The following GNA15 variants were observed in gnomAD, a reference collection of about 807,000 sequenced individuals.
GNA15 encodes the protein guanine nucleotide-binding protein subunit alpha-15.
GNA15 carries 23 observed loss-of-function variants against 40.1 expected under a neutral mutation model. The observed-to-expected ratio is 0.57, with a 90% CI of 0.41 to 0.81. The LOEUF (loss-of-function observed/expected upper bound fraction) is 0.81, where lower values mean the gene tolerates loss of function less well. Among genes scored for constraint, GNA15 ranks in the 40% least tolerant of loss-of-function variants. The pLI, the probability that GNA15 is intolerant of heterozygous loss-of-function variation, is 0.00. For synonymous variants in GNA15, 226 were observed against 210.4 expected, an observed-to-expected ratio of 1.07 and a Z score of -0.64; for missense variants, 522 against 515.8, an observed-to-expected ratio of 1.01 and a Z score of -0.12.
intron 1 of GNA15, among the ~76,000 whole-genome samples, chr19:3,139,140 T>G (rs1599317799): frequency 1.3e-5 from 2 of 151,116 alleles, no homozygotes; most frequent in East Asian, 3.9e-4. Flanking sequence ...GAGATGGGGT[T>G]TCACCATGTT....
At chr19:3,141,694 G>C (rs1914580546) in intron 1 of GNA15, 1 of 152,332 alleles carries the variant, frequency 6.6e-6, no homozygotes, top group African/African-American at 2.4e-5. Flanking sequence ...ATTGTGCCCG[G>C]CCTGTTCTTA....
rs781127081 is a variant in GNA15, at chr19:3,136,802, C to T, written c.145+207C>T. ...GAAGCCAAGTTCCTTGTCCAACGTG[C>T]GACCAGCGGCCAGGTGCCCAGGCCT... On this transcript the variant is annotated intron_variant, in intron 1 of 6. Transcript: ENST00000262958. The surrounding 1 kb of genome is among the most constrained non-coding windows in gnomAD (Gnocchi z 4.9). Among the ~76,000 whole-genome samples, 25 of 152,370 alleles carry T rather than the reference C, an allele frequency of 1.6e-4. No individual in the cohort carries two copies. The highest frequency in any genetic ancestry group is 3.4e-4 in the African/African-American group (14 of 41,592).
intron 1 of GNA15, chr19:3,146,538 T>G (rs942042393): frequency 6.6e-6 from 1 of 151,898 alleles, no homozygotes; most frequent in Non-Finnish European, 1.5e-5. Context: ...CCCCAGAAAA[T>G]CTGTGGCTGG....
intron 5 of GNA15, among the ~76,000 whole-genome samples, chr19:3,156,477 CGCACACACAG>C (rs1251990741): frequency 2.7e-4 from 41 of 150,884 alleles, no homozygotes; most frequent in Non-Finnish European, 3.0e-4. Flanking sequence ...GGCACACACA[CGCACACACAG>C]GCACACAGGC....
rs1914997548 is a variant in GNA15, at chr19:3,155,766, G to A, written c.615-57G>A. 5.7e-6 allele frequency: 9 copies of A among 1,586,250 alleles called. No individual in the cohort carries two copies. Among genetic ancestry groups the A allele is most frequent in the Admixed American group, 1.7e-5 (1 of 58,418 alleles). On this transcript the variant is annotated intron_variant, in intron 4 of 6. Transcript: ENST00000262958. The surrounding 1 kb of genome is among the most constrained non-coding windows in gnomAD (Gnocchi z 5.6). ...CATATCCCAGACGTGATGGGGGTTG[G>A]GGGTGTCACGGAGCAGGCTCCTGAG...
At chr19:3,149,000 C>T in intron 2 of GNA15, 2 of 553,824 alleles carry the variant, frequency 3.6e-6, no homozygotes, top group Admixed American at 6.4e-5. Context: ...CACACACGCA[C>T]ATGTATGCAC....
chr19:3,136,133 C>T lies in GNA15; in HGVS notation c.-318C>T. 3 of 228,460 alleles carry T rather than the reference C, an allele frequency of 1.3e-5. No homozygotes were observed. In the South Asian group the frequency reaches 2.1e-4, roughly 16 times the overall value. The allele number at this position is 228,460 out of a possible 1,614,324, so 14.2% of individuals were successfully genotyped here. A position where few individuals can be genotyped will look rare whatever the true frequency, so the allele number is the denominator to read the frequency against. ...CTCCCTGGGGCCCCCACCTCACCCT[C>T]TCCTGGCACCCTTCACCGTCAACCT... On this transcript the variant is annotated 5_prime_UTR_variant, in exon 1 of 7. Transcript: ENST00000262958. This position sits in a 1 kb window ranked among gnomAD's most constrained non-coding sequence, Gnocchi z 4.9.
intron 1 of GNA15, among the ~76,000 whole-genome samples, chr19:3,137,168 A>C (rs1259164531): frequency 6.6e-6 from 1 of 152,248 alleles, no homozygotes; most frequent in Admixed American, 6.5e-5. Flanking sequence ...GCAGCCAAAC[A>C]GGGGAAGATA....
At chr19:3,152,310 G>T (rs996623905) in intron 4 of GNA15, among the ~76,000 whole-genome samples, 4 of 152,160 alleles carry the variant, frequency 2.6e-5, no homozygotes, top group African/African-American at 9.7e-5. Context: ...CGGGCGTGGG[G>T]ATGGAAAGGA....
At chr19:3,143,034 G>A (rs1363362423) in intron 1 of GNA15, 5 of 152,044 alleles carry the variant, frequency 3.3e-5, no homozygotes, top group Admixed American at 1.3e-4. Flanking sequence ...TAAAAACATT[G>A]CTTTAACAGA....
rs1191752115 is a variant in GNA15 at position 3,145,336 on chromosome 19, AAT to A, written c.146-3232_146-3231del. On this transcript the variant is annotated intron_variant, in intron 1 of 6. Transcript: ENST00000262958. ...CAGTGTGCACCACTACGTCTGACTA[AAT>A]ATATATATATATATATATATATTTT... Among the ~76,000 whole-genome samples the A allele has an allele frequency of 5.8e-4, 35 of 60,208 alleles. 1 individual carries two copies. Among genetic ancestry groups the A allele is most frequent in the African/African-American group, 1.8e-3 (22 of 12,570 alleles). The allele number at this position is 60,208 out of a possible 152,430, so 39.5% of individuals were successfully genotyped here. A position where few individuals can be genotyped will look rare whatever the true frequency, so the allele number is the denominator to read the frequency against.
rs183621546 is a variant in GNA15 at position 3,136,871 on chromosome 19, G to A, written c.145+276G>A. On this transcript the variant is annotated intron_variant, in intron 1 of 6. Transcript: ENST00000262958. This position sits in a 1 kb window ranked among gnomAD's most constrained non-coding sequence, Gnocchi z 4.9. ...ATACAATAGCAGACGTGGCTCTACC[G>A]GGCCCCTGCCGGGCAGGCCCAGCAC... Among the ~76,000 whole-genome samples, 118 of 152,370 alleles carry A rather than the reference G, an allele frequency of 7.7e-4. No individual in the cohort carries two copies. The highest frequency in any genetic ancestry group is 2.5e-3 in the African/African-American group (105 of 41,594).
chr19:3,140,362 C>T (rs983772367), intron 1 of GNA15, among the ~76,000 whole-genome samples: 3 of 152,156 alleles, frequency 2.0e-5, no homozygotes, highest in African/African-American at 2.4e-5. Flanking sequence ...TGCCTTTGCT[C>T]ATTTTTTTCT....
chr19:3,148,757 CAGCAGGCCCGAG>C lies in GNA15; in HGVS notation c.317_328del (p.Arg106_Ser109del). 1 of 1,600,098 alleles carries C rather than the reference CAGCAGGCCCGAG, an allele frequency of 6.2e-7. No individual in the cohort carries two copies. The highest frequency in any genetic ancestry group is 8.5e-7 in the Non-Finnish European group (1 of 1,173,866). On this transcript the variant is annotated inframe_deletion, in exon 2 of 7. Transcript: ENST00000262958. Reference sequence around the variant, plus strand: ...CCATGGAGCGGCTGCAGATTCCATTCAGCAGGCCCGAGAGCAAGGTGAGCCGCCAGGGCAGGC... The same window carrying C: ...CCATGGAGCGGCTGCAGATTCCATTCAGCAAGGTGAGCCGCCAGGGCAGGC...
Position 3,163,202 on chromosome 19 carries a change from GGGTACTCCT to G in GNA15, c.*185_*193del, listed in dbSNP as rs1281290869. Reference sequence around the variant, plus strand: ...CTCTCACCAGGACAGCCGCCCCCCAGGGTACTCCTGCCCTTGCTTGACTCAGTTTCCCTC... The same window carrying G: ...CTCTCACCAGGACAGCCGCCCCCCAGGCCCTTGCTTGACTCAGTTTCCCTC... On this transcript the variant is annotated 3_prime_UTR_variant, in exon 7 of 7. Transcript: ENST00000262958. 1.7e-6 allele frequency: 1 copy of G among 597,068 alleles called. No homozygotes were observed. Among genetic ancestry groups the G allele is most frequent in the African/African-American group, 1.9e-5 (1 of 53,862 alleles). The allele number at this position is 597,068 out of a possible 1,614,324, so 37.0% of individuals were successfully genotyped here.
intron 1 of GNA15, among the ~76,000 whole-genome samples, chr19:3,138,467 G>A (rs1356459768): frequency 1.3e-5 from 2 of 152,120 alleles, no homozygotes; most frequent in African/African-American, 4.8e-5. Context: ...TGTCTGCCCC[G>A]GGCAAAGAGC....
rs772747680 is a variant in GNA15 at position 3,151,859 on chromosome 19, C to A, written c.614+24C>A. On this transcript the variant is annotated intron_variant, in intron 4 of 6. Coordinates refer to ENST00000262958, the MANE Select transcript of GNA15 (RefSeq NM_002068.4). The surrounding 1 kb of genome is among the most constrained non-coding windows in gnomAD (Gnocchi z 5.0). ...CGGTGAGCGCTCCACCTAGGCCCAG[C>A]CTAGGGGGCAGGGAAGGCTTCCTGT... The A allele has an allele frequency of 5.1e-6, 8 of 1,568,742 alleles. No individual in the cohort carries two copies. Among genetic ancestry groups the A allele is most frequent in the African/African-American group, 4.1e-5 (3 of 73,534 alleles).
intron 1 of GNA15, among the ~76,000 whole-genome samples, chr19:3,147,738 T>C (rs542125864): frequency 8.6e-5 from 13 of 150,860 alleles, no homozygotes; most frequent in Admixed American, 3.3e-4. Flanking sequence ...TACAAAAAAA[T>C]TAGCCGGGCG....
intron 5 of GNA15, 90 bp from the exon 6 acceptor site, chr19:3,157,638 C>G (rs1915058602): frequency 8.4e-7 from 1 of 1,194,572 alleles, no homozygotes; most frequent in Non-Finnish European, 1.2e-6. Flanking sequence ...GCCCATGCCC[C>G]TGGAGCCAAC....
Sources: allele counts gnomAD v4.1 joint callset (sites outside exome capture counted in the v4.1 genomes callset), GRCh38; gene constraint gnomAD v4.1.1; non-coding constraint Gnocchi (gnomAD v3.1); transcripts MANE v1.5; gene names NCBI Gene and HGNC (gene_info 2026-07-23, HGNC 2026-07-21).